The following AGTPBP1 variants were observed in gnomAD, a reference collection of about 807,000 sequenced individuals.
AGTPBP1 encodes the protein cytosolic carboxypeptidase 1.
A neutral mutation model predicts 143.9 loss-of-function variants in AGTPBP1; 70 were observed. The observed-to-expected ratio is 0.49, with a 90% CI of 0.40 to 0.59. The LOEUF is 0.59. Ranked by LOEUF, AGTPBP1 falls within the 20% of genes least tolerant of loss-of-function variation. AGTPBP1 has a pLI of 0.00. For synonymous variants in AGTPBP1, 463 were observed against 500.2 expected, an observed-to-expected ratio of 0.93 and a Z score of 0.99; for missense variants, 1,229 against 1,464.5, an observed-to-expected ratio of 0.84 and a Z score of 2.62.
chr9:85,681,004 CAT>C (rs1486316936), intron 4 of AGTPBP1, among the ~76,000 whole-genome samples: 1 of 152,130 alleles, frequency 6.6e-6, no homozygotes, highest in Non-Finnish European at 1.5e-5. Context: ...TCATTATAAT[CAT>C]ATAAGGGAAA....
chr9:85,772,146 T>C, the AGTPBP1 span, among the ~76,000 whole-genome samples: 1 of 151,582 alleles, frequency 6.6e-6, no homozygotes, highest in Non-Finnish European at 1.5e-5. Flanking sequence ...CAGCTCATTT[T>C]TGTATTTTTA....
At chr9:85,548,968 C>T (rs1330769614) in intron 25 of AGTPBP1, among the ~76,000 whole-genome samples, 1 of 152,156 alleles carries the variant, frequency 6.6e-6, no homozygotes, top group Non-Finnish European at 1.5e-5. Flanking sequence ...AGCCACCACA[C>T]CCGACCTTAT....
chr9:85,579,315 G>A (rs542440494), intron 23 of AGTPBP1, among the ~76,000 whole-genome samples: 2 of 152,010 alleles, frequency 1.3e-5, no homozygotes, highest in African/African-American at 4.8e-5. Flanking sequence ...ACAAAACAAT[G>A]GAAGAATCGT....
At chr9:85,618,152 G>C (rs1430841099) in intron 17 of AGTPBP1, among the ~76,000 whole-genome samples, 1 of 150,902 alleles carries the variant, frequency 6.6e-6, no homozygotes. Context: ...GGAATCACGT[G>C]AACCTGAGAG....
intron 4 of AGTPBP1, among the ~76,000 whole-genome samples, chr9:85,680,604 G>A (rs771807193): frequency 2.7e-5 from 4 of 150,816 alleles, no homozygotes; most frequent in Non-Finnish European, 4.4e-5. Flanking sequence ...GAAAAGAAAA[G>A]AGAGAAAAAA....
At chr9:85,592,819 G>A (rs1829057360) in intron 18 of AGTPBP1, 115 bp from the exon 19 acceptor site, 1 of 1,283,446 alleles carries the variant, frequency 7.8e-7, no homozygotes, top group African/African-American at 1.5e-5. Context: ...TCTGTAAAAA[G>A]TGTAACTTAA....
chr9:85,559,779 G>A (rs1215272740), intron 25 of AGTPBP1, among the ~76,000 whole-genome samples: 1 of 152,158 alleles, frequency 6.6e-6, no homozygotes, highest in Admixed American at 6.5e-5. Flanking sequence ...TGGTGTAAAA[G>A]TGGGTAGCAC....
At chr9:85,761,026 A>G in the AGTPBP1 span, among the ~76,000 whole-genome samples, 3 of 151,888 alleles carry the variant, frequency 2.0e-5, no homozygotes, top group African/African-American at 7.3e-5. Context: ...CAATTGCTTC[A>G]AAGAGAATAA....
At chr9:85,733,272 A>G (rs1839008892) in intron 1 of AGTPBP1, among the ~76,000 whole-genome samples, 1 of 152,218 alleles carries the variant, frequency 6.6e-6, no homozygotes, top group African/African-American at 2.4e-5. Flanking sequence ...TTTATCATAC[A>G]AAGTGTGCTC....
At position 85,589,661 on chromosome 9, in the gene AGTPBP1, T is replaced by C; in HGVS notation, c.2589A>G (p.Glu863=). 1 of 1,604,048 alleles carries C rather than the reference T, an allele frequency of 6.2e-7. No homozygotes were observed. Among genetic ancestry groups the C allele is most frequent in the South Asian group, 1.1e-5 (1 of 88,688 alleles). ...AGATTTGCTGAGGATTGTGTGCTGA[T>C]TCCAATTTTTGAAGATGCATCTTGA... ...STLQMHLQKL[E]SAHNPQQIYF... is the part of the protein sequence containing the mutation. The change falls in exon 20 of 26, where the codon GAA becomes GAG. Residue 863 remains glutamate, a synonymous_variant. Coordinates refer to ENST00000357081, the MANE Select transcript of AGTPBP1 (RefSeq NM_001330701.2).
chr9:85,767,255 G>A, the AGTPBP1 span, among the ~76,000 whole-genome samples: 1 of 147,118 alleles, frequency 6.8e-6, no homozygotes, highest in Non-Finnish European at 1.5e-5. Flanking sequence ...TGCGATCTCG[G>A]CTCACTGCCT....
At chr9:85,730,090 G>T (rs1314600325) in intron 1 of AGTPBP1, among the ~76,000 whole-genome samples, 10 of 152,164 alleles carry the variant, frequency 6.6e-5, no homozygotes, top group Non-Finnish European at 1.2e-4. Flanking sequence ...AGCTCTAGAA[G>T]CAATTTCACA....
Position 85,655,248 on chromosome 9 carries a change from T to C in AGTPBP1, c.982A>G (p.Lys328Glu). The C allele has an allele frequency of 2.5e-6, 4 of 1,593,928 alleles. No individual in the cohort carries two copies. The highest frequency in any genetic ancestry group is 3.4e-6 in the Non-Finnish European group (4 of 1,169,564). The change falls in exon 11 of 26, where the codon AAA (lysine) becomes GAA (glutamate). Residue 328 changes from lysine to glutamate, a missense_variant. This residue lies in a region of AGTPBP1 where 743 missense variants were observed against 812.2 expected (regional missense o/e 0.91). Transcript: ENST00000357081. ...SSLIMRKCFP[K>E]NRLPLPTIKS... ...ATTGTTGGGAGTGGCAGTCGATTTT[T>C]TGGGAAACACTTCCTCATTATCAGA...
intron 23 of AGTPBP1, among the ~76,000 whole-genome samples, chr9:85,582,393 T>A (rs1972674): frequency 0.35 from 53,231 of 152,058 alleles, 10,329 homozygotes; most frequent in Middle Eastern, 0.45. Context: ...AATGACAATT[T>A]AGGCTGGGCG....
chr9:85,621,018 T>C (rs1830900526), intron 15 of AGTPBP1, among the ~76,000 whole-genome samples, 184 bp downstream of exon 15: 1 of 152,190 alleles, frequency 6.6e-6, no homozygotes, highest in African/African-American at 2.4e-5. Flanking sequence ...GACTTACCAT[T>C]ACCATTACAT....
rs181278996 is a variant in AGTPBP1 at position 85,662,596 on chromosome 9, C to T, written c.663-1623G>A. ...ATAAAAACTAAAATGGAAAAGAAAA[C>T]CTCTTCAGCAAGACCTGACAAATGC... On this transcript the variant is annotated intron_variant, in intron 8 of 25. Transcript: ENST00000357081. Among the ~76,000 whole-genome samples the T allele has an allele frequency of 7.2e-5, 11 of 152,134 alleles. No individual in the cohort carries two copies. In the East Asian group the frequency reaches 2.1e-3, roughly 29 times the overall value.
the AGTPBP1 span, among the ~76,000 whole-genome samples, chr9:85,766,841 G>C: frequency 6.6e-6 from 1 of 152,124 alleles, no homozygotes; most frequent in African/African-American, 2.4e-5. Flanking sequence ...TAGTTGGAAT[G>C]GTTTGCTATC....
At chr9:85,623,285 T>TA (rs562025281) in intron 14 of AGTPBP1, among the ~76,000 whole-genome samples, 7,574 of 147,446 alleles carry the variant, frequency 0.051, 648 homozygotes, top group African/African-American at 0.17. Context: ...GCAATTGGTT[T>TA]AAAAAAAAAA....
intron 22 of AGTPBP1, among the ~76,000 whole-genome samples, chr9:85,586,466 C>T (rs1372242950): frequency 6.6e-6 from 1 of 152,088 alleles, no homozygotes; most frequent in Non-Finnish European, 1.5e-5. Context: ...GTATACAGTC[C>T]AGTCCAGTCA....
Sources: allele counts gnomAD v4.1 joint callset (sites outside exome capture counted in the v4.1 genomes callset), GRCh38; gene constraint gnomAD v4.1.1; regional missense constraint gnomAD v4.1.1; transcripts MANE v1.5; gene names NCBI Gene and HGNC (gene_info 2026-07-23, HGNC 2026-07-21).